ABCA13: variants seen among roughly 807,000 people sequenced by gnomAD.
The protein encoded by ABCA13 is ATP-binding cassette sub-family A member 13.
ABCA13 carries 476 observed loss-of-function variants against 478.7 expected under a neutral mutation model. The ratio of observed to expected loss-of-function variants is 0.99; its 90% CI spans 0.92 to 1.07. The LOEUF is 1.07. ABCA13 is among the 50% of genes least tolerant of loss of function. The probability of loss-of-function intolerance (pLI) is 0.00; values close to 1 mark genes in which losing one functional copy is unlikely to be tolerated. For synonymous variants in ABCA13, 2,252 were observed against 2,158.9 expected (o/e 1.04, Z -1.20); for missense variants, 6,060 against 5,910.6 (o/e 1.03, Z -0.83).
intron 48 of ABCA13, among the ~76,000 whole-genome samples, chr7:48,496,491 T>C (rs1490611807): frequency 6.6e-6 from 1 of 152,140 alleles, no homozygotes; most frequent in Non-Finnish European, 1.5e-5. Flanking sequence ...AGATGAACAA[T>C]AGTCTATTAT....
chr7:48,496,514 T>G (rs2130768497), intron 48 of ABCA13, among the ~76,000 whole-genome samples: 1 of 152,246 alleles, frequency 6.6e-6, no homozygotes, highest in Non-Finnish European at 1.5e-5. Context: ...TTACTTCTAT[T>G]TTTAACGTAT....
intron 3 of ABCA13, among the ~76,000 whole-genome samples, chr7:48,216,451 A>G (rs576583466): frequency 6.6e-6 from 1 of 152,110 alleles, no homozygotes. Context: ...TTGTCTTTTT[A>G]TTATAAAGTT....
intron 31 of ABCA13, among the ~76,000 whole-genome samples, chr7:48,357,317 C>G (rs73323779): frequency 6.6e-6 from 1 of 152,032 alleles, no homozygotes; most frequent in East Asian, 1.9e-4. Flanking sequence ...TTGTTCTCAG[C>G]AGAAATTCCC....
In ABCA13 at chr7:48,410,628, G is replaced by T; in HGVS notation, c.12179G>T (p.Cys4060Phe). The change falls in exon 40 of 62, where the codon TGC becomes TTC. Residue 4060 changes from cysteine (C) to phenylalanine (F), a missense_variant. Transcript: ENST00000435803. ...GRLRCCGPPF[C>F]LKEAYGQGLR... ...CTCAGGTGCTGCGGTCCTCCCTTCTGCCTGAAGGAGGCATATGGCCAGGGG... is the reference window on the plus strand; with the variant it reads ...CTCAGGTGCTGCGGTCCTCCCTTCTTCCTGAAGGAGGCATATGGCCAGGGG... 6.2e-7 allele frequency: 1 copy of T among 1,614,050 alleles called. No individual in the cohort carries two copies. The highest frequency in any genetic ancestry group is 8.5e-7 in the Non-Finnish European group (1 of 1,179,892).
chr7:48,499,607 C>T (rs1297381686), intron 48 of ABCA13, among the ~76,000 whole-genome samples: 2 of 152,160 alleles, frequency 1.3e-5, no homozygotes. Context: ...TTTGTACATT[C>T]ATACATTGCT....
chr7:48,469,654 A>G (rs1470844232), intron 44 of ABCA13, among the ~76,000 whole-genome samples: 2 of 152,040 alleles, frequency 1.3e-5, no homozygotes, highest in African/African-American at 4.8e-5. Flanking sequence ...TGTCTTCGAG[A>G]TTTAAAATGC....
chr7:48,213,747 ATAT>A (rs1426949842), intron 3 of ABCA13, among the ~76,000 whole-genome samples: 2 of 152,224 alleles, frequency 1.3e-5, no homozygotes, highest in African/African-American at 2.4e-5. Flanking sequence ...ACTTTATGTA[ATAT>A]TCTAAATCCT....
At position 48,436,004 on chromosome 7, in the gene ABCA13, A is replaced by G. The variant is rs147516043; in HGVS notation, c.12565+8133A>G. Among the ~76,000 whole-genome samples, 33 of 149,436 alleles carry G rather than the reference A, an allele frequency of 2.2e-4. 1 individual carries two copies. In the East Asian group the frequency reaches 5.3e-3, roughly 24 times the overall value. On this transcript the variant is annotated intron_variant, in intron 42 of 61. Transcript: ENST00000435803. ...TTTTTTTGGTAGTTCCTTTGGCTTC[A>G]TAACTCATTCTGTGAGGCTAGCATT...
At chr7:48,632,272 T>C (rs1794232991) in intron 59 of ABCA13, among the ~76,000 whole-genome samples, 2 of 152,180 alleles carry the variant, frequency 1.3e-5, no homozygotes, top group South Asian at 2.1e-4. Flanking sequence ...TATATTGGTT[T>C]ATTTGTCTTT....
At position 48,276,226 on chromosome 7, in the gene ABCA13, C is replaced by A; in HGVS notation, c.6560C>A (p.Thr2187Asn). ...GGCAATTTTGATGTTGCCTTTCTTA[C>A]CCATCTGCTAAATCAAGAACAGCTG... The part of the protein sequence containing the change: ...RAGNFDVAFL[T>N]HLLNQEQLTN... The change falls in exon 17 of 62, where the codon ACC becomes AAC. Residue 2187 changes from threonine to asparagine, a missense_variant. Transcript: ENST00000435803. The A allele has an allele frequency of 6.3e-7, 1 of 1,578,388 alleles. No homozygotes were observed. Among genetic ancestry groups the A allele is most frequent in the Non-Finnish European group, 8.6e-7 (1 of 1,161,018 alleles).
chr7:48,403,622 A>G, intron 38 of ABCA13, 61 bp from the exon 39 acceptor site: 1 of 1,526,784 alleles, frequency 6.5e-7, no homozygotes, highest in Non-Finnish European at 9.0e-7. Context: ...TTCTGGAGTG[A>G]AATTAGAAGC....
At position 48,298,469 on chromosome 7, in the gene ABCA13, A is replaced by C. The variant is rs1195290669; in HGVS notation, c.9303A>C (p.Ala3101=). 1 of 1,613,086 alleles carries C rather than the reference A, an allele frequency of 6.2e-7. No homozygotes were observed. Among genetic ancestry groups the C allele is most frequent in the Non-Finnish European group, 8.5e-7 (1 of 1,179,550 alleles). ...SNETIHSILE[A]NISHSKVLFS... Reference sequence around the variant, plus strand: ...AGACTATCCATAGCATTCTAGAAGCAAATATTTCCCACTCCAAGGTGTGGT... The same window carrying C: ...AGACTATCCATAGCATTCTAGAAGCCAATATTTCCCACTCCAAGGTGTGGT... Residue 3101 remains alanine (A), a synonymous_variant, in exon 23 of 62, where the codon GCA becomes GCC. Transcript: ENST00000435803.
chr7:48,195,048 C>T (rs1248725907), intron 2 of ABCA13, among the ~76,000 whole-genome samples: 1 of 152,190 alleles, frequency 6.6e-6, no homozygotes, highest in Non-Finnish European at 1.5e-5. Flanking sequence ...TCAGCCAATC[C>T]ATTCTAAAGA....
intron 31 of ABCA13, among the ~76,000 whole-genome samples, chr7:48,355,984 G>A (rs572660901): frequency 7.9e-5 from 12 of 151,920 alleles, no homozygotes; most frequent in Non-Finnish European, 1.5e-4. Context: ...CCATGGGAAG[G>A]AGTATAGATA....
At position 48,491,512 on chromosome 7, in the gene ABCA13, A is replaced by G. The variant is rs200020678; in HGVS notation, c.13291+2168A>G. On this transcript the variant is annotated intron_variant, in intron 48 of 61. Transcript: ENST00000435803. ...TGCAGACGTTTTGCTGGTGACTTCCAGAGGGCTAGTTCAATGGTGTTTCAG... is the reference window on the plus strand; with the variant it reads ...TGCAGACGTTTTGCTGGTGACTTCCGGAGGGCTAGTTCAATGGTGTTTCAG... Among the ~76,000 whole-genome samples, 20 of 152,330 alleles carry G rather than the reference A, an allele frequency of 1.3e-4. No individual in the cohort carries two copies. In the East Asian group the frequency reaches 3.5e-3, roughly 26 times the overall value.
At chr7:48,368,776 TAC>T (rs4024053) in intron 32 of ABCA13, among the ~76,000 whole-genome samples, 33,628 of 143,216 alleles carry the variant, frequency 0.23, 4,193 homozygotes, top group East Asian at 0.32. Flanking sequence ...CATATACATA[TAC>T]ACACACACAC....
rs193215334 is a variant in ABCA13 at position 48,188,651 on chromosome 7, C to A, written c.70-4308C>A. Among the ~76,000 whole-genome samples, 50 of 151,934 alleles carry A rather than the reference C, an allele frequency of 3.3e-4. No individual in the cohort carries two copies. The East Asian group carries it at 9.5e-3, about 29-fold the overall frequency. ...TCTAATTTATTTTCTTTTCTCTCCC[C>A]CCACCCCACCCATTTTGTCTGGAAG... On this transcript the variant is annotated intron_variant, in intron 1 of 61. Coordinates refer to ENST00000435803, the MANE Select transcript of ABCA13 (RefSeq NM_152701.5).
At chr7:48,322,540 C>T (rs1167504187) in intron 27 of ABCA13, among the ~76,000 whole-genome samples, 1 of 152,174 alleles carries the variant, frequency 6.6e-6, no homozygotes, top group Non-Finnish European at 1.5e-5. Context: ...CCATGTCTCT[C>T]CCTGTTCCCA....
At position 48,272,481 on chromosome 7, in the gene ABCA13, C is replaced by A. The variant is rs1347296627; in HGVS notation, c.2815C>A (p.Gln939Lys). 1 of 1,613,698 alleles carries A rather than the reference C, an allele frequency of 6.2e-7. No homozygotes were observed. The highest frequency in any genetic ancestry group is 8.5e-7 in the Non-Finnish European group (1 of 1,179,738). ...CTCAGCCCTTTCTGAACCACAAAAA[C>A]AAGAAGTTGATAAAATTTTGACTCA... ...LFSALSEPQK[Q>K]EVDKILTHIH... is the part of the protein sequence containing the mutation. Residue 939 changes from glutamine to lysine, a missense_variant, in exon 17 of 62, where the codon CAA (glutamine) becomes AAA (lysine). Transcript: ENST00000435803.
Sources: allele counts gnomAD v4.1 joint callset (sites outside exome capture counted in the v4.1 genomes callset), GRCh38; gene constraint gnomAD v4.1.1; transcripts MANE v1.5; gene names NCBI Gene and HGNC (gene_info 2026-07-23, HGNC 2026-07-21).